Variants in KLHL1 observed in about 807,000 individuals in gnomAD.
KLHL1 encodes the protein kelch-like protein 1.
In KLHL1, 47 loss-of-function variants were observed where a neutral mutation model predicts 77.7. That is an observed-to-expected ratio of 0.60 (90% CI 0.48 to 0.77). The LOEUF (loss-of-function observed/expected upper bound fraction) is 0.77. KLHL1 is among the 30% of genes least tolerant of loss of function. The pLI is 0.00. For synonymous variants in KLHL1, 360 were observed against 325.2 expected (o/e 1.11, Z -1.15); for missense variants, 925 against 910.8 (o/e 1.02, Z -0.20).
At chr13:69,925,262 A>G (rs2210447) in intron 4 of KLHL1, among the ~76,000 whole-genome samples, 132,893 of 152,160 alleles carry the variant, frequency 0.87, 59,078 homozygotes, top group Non-Finnish European at 0.97. Flanking sequence ...AGCACAGTTC[A>G]GTGAGCTAAT....
intron 1 of KLHL1, among the ~76,000 whole-genome samples, chr13:70,007,444 C>CA (rs10639117): frequency 0.016 from 2,276 of 141,928 alleles, 24 homozygotes; most frequent in African/African-American, 0.03. Flanking sequence ...TATTTCATCT[C>CA]AAAAAAAAAA....
intron 2 of KLHL1, among the ~76,000 whole-genome samples, chr13:69,973,495 C>T (rs994466928): frequency 6.6e-6 from 1 of 151,560 alleles, no homozygotes; most frequent in African/African-American, 2.4e-5. Flanking sequence ...AATAGCTCCA[C>T]AATTTTTAGT....
intron 4 of KLHL1, among the ~76,000 whole-genome samples, chr13:69,905,352 G>A (rs1199507237): frequency 6.6e-6 from 1 of 152,036 alleles, no homozygotes; most frequent in African/African-American, 2.4e-5. Context: ...GTCAATAAGA[G>A]CACCATGCAC....
At chr13:70,000,719 A>C (rs1203971288) in intron 1 of KLHL1, among the ~76,000 whole-genome samples, 4 of 151,872 alleles carry the variant, frequency 2.6e-5, no homozygotes, top group Non-Finnish European at 5.9e-5. Flanking sequence ...CACAGATGAC[A>C]ACAAAGTTTC....
chr13:69,931,098 C>T (rs1311593958), intron 4 of KLHL1, among the ~76,000 whole-genome samples: 2 of 151,524 alleles, frequency 1.3e-5, no homozygotes, highest in Non-Finnish European at 3.0e-5. Context: ...AATGATAATT[C>T]ACTTACTCTC....
chr13:69,788,688 T>C (rs1233310063), intron 7 of KLHL1, among the ~76,000 whole-genome samples: 1 of 151,958 alleles, frequency 6.6e-6, no homozygotes, highest in East Asian at 1.9e-4. Context: ...ATAGTATTTA[T>C]GTATATCTTA....
chr13:70,096,750 T>C (rs1393671520), intron 1 of KLHL1, among the ~76,000 whole-genome samples: 2 of 151,946 alleles, frequency 1.3e-5, no homozygotes, highest in Non-Finnish European at 2.9e-5. Context: ...CTTAAAAATA[T>C]GACACTATTC....
intron 1 of KLHL1, among the ~76,000 whole-genome samples, chr13:69,996,803 T>G (rs1326949759): frequency 1.3e-5 from 2 of 151,706 alleles, no homozygotes; most frequent in Admixed American, 6.6e-5. Flanking sequence ...GGGTAGGAGA[T>G]AAATCTTACA....
At chr13:70,051,008 G>A (rs1424667555) in intron 1 of KLHL1, among the ~76,000 whole-genome samples, 1 of 151,904 alleles carries the variant, frequency 6.6e-6, no homozygotes, top group African/African-American at 2.4e-5. Flanking sequence ...CTAGAAGGAG[G>A]TCATTTGGGC....
At chr13:70,042,557 A>T (rs988435054) in intron 1 of KLHL1, among the ~76,000 whole-genome samples, 4 of 152,160 alleles carry the variant, frequency 2.6e-5, no homozygotes, top group African/African-American at 4.8e-5. Context: ...GTTTTTGGTG[A>T]TGCTGGTATA....
chr13:69,903,199 C>A (rs1457067639), intron 4 of KLHL1, among the ~76,000 whole-genome samples: 2 of 152,100 alleles, frequency 1.3e-5, no homozygotes, highest in African/African-American at 4.8e-5. Flanking sequence ...TATCACAGGA[C>A]CTCTCTTTCT....
intron 4 of KLHL1, among the ~76,000 whole-genome samples, chr13:69,886,185 T>A (rs565224089): frequency 1.3e-5 from 2 of 152,240 alleles, no homozygotes; most frequent in African/African-American, 4.8e-5. Context: ...TTTCTACATA[T>A]GGGTTAAAAA....
intron 1 of KLHL1, among the ~76,000 whole-genome samples, chr13:70,066,738 G>GTA (rs770403966): frequency 6.6e-6 from 1 of 152,102 alleles, no homozygotes; most frequent in Non-Finnish European, 1.5e-5. Flanking sequence ...ATTATAACGG[G>GTA]TAATTTGCCT....
intron 1 of KLHL1, among the ~76,000 whole-genome samples, chr13:70,026,805 C>A (rs1254089368): frequency 1.3e-5 from 2 of 150,362 alleles, no homozygotes; most frequent in Non-Finnish European, 3.0e-5. Context: ...AGAATCTGAA[C>A]TGTATGTTAA....
intron 2 of KLHL1, among the ~76,000 whole-genome samples, chr13:69,968,550 A>T (rs1386806773): frequency 6.6e-6 from 1 of 151,666 alleles, no homozygotes; most frequent in East Asian, 1.9e-4. Context: ...TTTAAAAAAA[A>T]AAAAGAAATT....
chr13:69,997,370 G>T, intron 1 of KLHL1, among the ~76,000 whole-genome samples: 1 of 149,426 alleles, frequency 6.7e-6, no homozygotes, highest in Non-Finnish European at 1.5e-5. Flanking sequence ...TGCAGTATTT[G>T]GTAACTATAG....
chr13:70,018,744 A>G (rs1176860639), intron 1 of KLHL1, among the ~76,000 whole-genome samples: 2 of 150,826 alleles, frequency 1.3e-5, no homozygotes, highest in African/African-American at 5.0e-5. Context: ...ATTTTTCCTT[A>G]AAGTAGATAA....
chr13:69,881,121 T>A (rs747510662), intron 5 of KLHL1, among the ~76,000 whole-genome samples: 8 of 152,208 alleles, frequency 5.3e-5, no homozygotes, highest in Non-Finnish European at 1.0e-4. Context: ...GTTGTTATGA[T>A]GTGCTCACAT....
At chr13:69,815,863 TAAATATA>T (rs1878098174) in intron 6 of KLHL1, among the ~76,000 whole-genome samples, 1 of 152,038 alleles carries the variant, frequency 6.6e-6, no homozygotes, top group Non-Finnish European at 1.5e-5. Flanking sequence ...TCCAACCATC[TAAATATA>T]AAATATATCT....
Sources: gnomAD v4.1 joint callset for allele counts (sites outside exome capture counted in the v4.1 genomes callset) on GRCh38, gnomAD v4.1.1 for gene constraint, MANE v1.5 for transcripts, NCBI Gene and HGNC (gene_info 2026-07-23, HGNC 2026-07-21) for gene names.